CSMD1: variants seen among roughly 807,000 people sequenced by gnomAD.
CSMD1 encodes CUB and sushi domain-containing protein 1.
CSMD1 carries 213 observed loss-of-function variants against 417.5 expected under a neutral mutation model. The ratio of observed to expected loss-of-function variants is 0.51; its 90% confidence interval spans 0.46 to 0.57. The LOEUF is 0.57. Ranked by LOEUF, CSMD1 falls within the 20% of genes least tolerant of loss-of-function variation. CSMD1 has a pLI of 0.00. For missense variants in CSMD1, 6,923 were observed against 4,529.7 expected, an observed-to-expected ratio of 1.53 and a Z score of -15.17; for synonymous variants, 2,862 against 1,736.8, an observed-to-expected ratio of 1.65 and a Z score of -16.11.
chr8:4,872,079 G>A (rs1164355807), intron 1 of CSMD1, among the ~76,000 whole-genome samples: 1 of 152,080 alleles, frequency 6.6e-6, no homozygotes, highest in Non-Finnish European at 1.5e-5. Context: ...CCTAGTATGT[G>A]TCAGGCTCTG....
At position 3,995,542 on chromosome 8, in the gene CSMD1, G is replaced by C. The variant is rs17330527; in HGVS notation, c.818+2361C>G. On this transcript the variant is annotated intron_variant, in intron 5 of 69. Coordinates refer to ENST00000635120, the MANE Select transcript of CSMD1 (RefSeq NM_033225.6). ...CTCAGACCTGGACTACACTGACTGA[G>C]GGGCTATACATAGAGAGAAGAAAAT... Among the ~76,000 whole-genome samples the C allele has an allele frequency of 5.7e-3, 867 of 152,312 alleles. 6 individuals carry two copies. Among genetic ancestry groups the C allele is most frequent in the Non-Finnish European group, 9.4e-3 (639 of 68,026 alleles).
At position 3,873,410 on chromosome 8, in the gene CSMD1, G is replaced by A. The variant is rs557360907; in HGVS notation, c.819-119368C>T. Among the ~76,000 whole-genome samples the A allele has an allele frequency of 1.1e-4, 17 of 152,202 alleles. 1 individual carries two copies. The South Asian group carries it at 3.5e-3, about 32-fold the overall frequency. ...GAGATCATGTCCTTGGCAGGCACAT[G>A]GATGGAACTGGAGGCCATTATCTTT... On this transcript the variant is annotated intron_variant, in intron 5 of 69. Coordinates refer to ENST00000635120, the MANE Select transcript of CSMD1 (RefSeq NM_033225.6).
intron 7 of CSMD1, among the ~76,000 whole-genome samples, chr8:3,651,684 A>T (rs1797864937): frequency 6.6e-6 from 1 of 151,992 alleles, no homozygotes; most frequent in African/African-American, 2.4e-5. Context: ...CACTGTACTT[A>T]ACACCATCAG....
At chr8:3,341,313 A>G (rs1014186126) in intron 23 of CSMD1, among the ~76,000 whole-genome samples, 5 of 152,208 alleles carry the variant, frequency 3.3e-5, no homozygotes, top group African/African-American at 1.2e-4. Context: ...CTTCAGAATT[A>G]TGGAAACAGC....
At chr8:3,425,803 C>T (rs941199040) in intron 12 of CSMD1, among the ~76,000 whole-genome samples, 1 of 151,970 alleles carries the variant, frequency 6.6e-6, no homozygotes, top group Non-Finnish European at 1.5e-5. Flanking sequence ...AATTTCAGCA[C>T]CTTGATTCAC....
At chr8:3,207,683 C>G (rs886803829) in intron 30 of CSMD1, among the ~76,000 whole-genome samples, 1 of 152,016 alleles carries the variant, frequency 6.6e-6, no homozygotes, top group Non-Finnish European at 1.5e-5. Context: ...TTCTAAAAGT[C>G]AAAGGAAAAC....
At chr8:4,124,035 T>C (rs1714794) in intron 3 of CSMD1, among the ~76,000 whole-genome samples, 25,997 of 152,018 alleles carry the variant, frequency 0.17, 2,438 homozygotes, top group African/African-American at 0.21. Context: ...TTTTTCTACA[T>C]TGCATTCCGG....
At chr8:3,936,044 G>C (rs960505054) in intron 5 of CSMD1, among the ~76,000 whole-genome samples, 4 of 152,174 alleles carry the variant, frequency 2.6e-5, no homozygotes, top group African/African-American at 9.7e-5. Context: ...TATGGAGAAA[G>C]TTTAGAGTGT....
At chr8:4,584,510 A>T (rs1264011171) in intron 2 of CSMD1, among the ~76,000 whole-genome samples, 1 of 150,638 alleles carries the variant, frequency 6.6e-6, no homozygotes, top group Non-Finnish European at 1.5e-5. Flanking sequence ...GGGCTCTCTA[A>T]CAACCCCCAA....
intron 50 of CSMD1, among the ~76,000 whole-genome samples, chr8:3,038,234 C>T (rs1307730140): frequency 6.6e-6 from 1 of 152,168 alleles, no homozygotes; most frequent in Non-Finnish European, 1.5e-5. Context: ...TTAGTGATAC[C>T]AGCAAATAGG....
intron 49 of CSMD1, among the ~76,000 whole-genome samples, chr8:3,076,722 G>C (rs1813711601): frequency 6.6e-6 from 1 of 152,194 alleles, no homozygotes; most frequent in South Asian, 2.1e-4. Flanking sequence ...TGAGATGGTT[G>C]AGCCAAATTC....
chr8:4,525,251 G>T (rs992558540), intron 2 of CSMD1, among the ~76,000 whole-genome samples: 12 of 152,052 alleles, frequency 7.9e-5, no homozygotes, highest in Admixed American at 2.6e-4. Context: ...TCATTCACTC[G>T]AACAGAGAGG....
intron 2 of CSMD1, among the ~76,000 whole-genome samples, chr8:4,479,930 C>T (rs111705636): frequency 0.083 from 12,263 of 147,842 alleles, 734 homozygotes; most frequent in East Asian, 0.21. Context: ...GGAGCCACTG[C>T]ATTCCAGCCT....
At chr8:3,719,122 G>A (rs905775138) in intron 6 of CSMD1, among the ~76,000 whole-genome samples, 3 of 152,168 alleles carry the variant, frequency 2.0e-5, no homozygotes, top group Admixed American at 6.5e-5. Flanking sequence ...AAGATTTTGT[G>A]TCCTGTTCTA....
At chr8:3,218,061 T>C (rs1039298716) in intron 29 of CSMD1, among the ~76,000 whole-genome samples, 13 of 152,124 alleles carry the variant, frequency 8.5e-5, no homozygotes, top group African/African-American at 3.1e-4. Flanking sequence ...AATAGCAAAA[T>C]GTTGAGTTGA....
At chr8:3,408,261 C>T (rs1343625397) in intron 13 of CSMD1, 36 bp from the exon 14 acceptor site, 5 of 1,484,816 alleles carry the variant, frequency 3.4e-6, no homozygotes, top group Non-Finnish European at 3.7e-6. Flanking sequence ...AACAGTTATG[C>T]ACATATCCAA....
At chr8:3,389,622 AG>A (rs199793942) in intron 17 of CSMD1, among the ~76,000 whole-genome samples, 71,515 of 151,946 alleles carry the variant, frequency 0.47, 17,282 homozygotes, top group African/African-American at 0.57. Context: ...AGAATAAGTG[AG>A]GATTATATAT....
intron 3 of CSMD1, among the ~76,000 whole-genome samples, chr8:4,331,262 G>A (rs147375381): frequency 3.5e-4 from 54 of 152,226 alleles, no homozygotes; most frequent in African/African-American, 1.3e-3. Context: ...AGAAGCCAGG[G>A]AACTCGGTGA....
intron 1 of CSMD1, among the ~76,000 whole-genome samples, chr8:4,873,907 A>C (rs1250859854): frequency 6.6e-6 from 1 of 152,168 alleles, no homozygotes; most frequent in African/African-American, 2.4e-5. Flanking sequence ...ATTAGAAAGA[A>C]GAAAGGAAAG....
Sources: allele counts gnomAD v4.1 joint callset (sites outside exome capture counted in the v4.1 genomes callset), GRCh38; gene constraint gnomAD v4.1.1; transcripts MANE v1.5; gene names NCBI Gene and HGNC (gene_info 2026-07-23, HGNC 2026-07-21).